The following IMMP2L variants were observed in gnomAD, a reference collection of about 807,000 sequenced individuals.
IMMP2L encodes inner mitochondrial membrane peptidase subunit 2.
In IMMP2L, 18 loss-of-function variants were observed where a neutral mutation model predicts 19.3. The observed-to-expected ratio is 0.93, with a 90% CI of 0.64 to 1.38. The LOEUF (loss-of-function observed/expected upper bound fraction) is 1.38. Ranked by LOEUF, IMMP2L falls within the 40% of genes most tolerant of loss-of-function variation. The pLI, the probability that IMMP2L is intolerant of heterozygous loss-of-function variation, is 0.00. For synonymous variants in IMMP2L, 76 were observed against 73.0 expected (o/e 1.04, Z -0.21); for missense variants, 233 against 218.2 (o/e 1.07, Z -0.43).
intron 3 of IMMP2L, among the ~76,000 whole-genome samples, chr7:111,098,650 C>T (rs191261881): frequency 7.2e-5 from 11 of 151,850 alleles, no homozygotes; most frequent in Admixed American, 4.6e-4. Context: ...ATGCTAAGCA[C>T]TTAACATACA....
chr7:111,061,752 C>A (rs73201061), intron 3 of IMMP2L, among the ~76,000 whole-genome samples: 1 of 151,734 alleles, frequency 6.6e-6, no homozygotes, highest in Non-Finnish European at 1.5e-5. Flanking sequence ...ACAGTTCAGC[C>A]AAAGTAATAT....
At chr7:111,305,955 T>C (rs997044274) in intron 3 of IMMP2L, among the ~76,000 whole-genome samples, 1 of 152,156 alleles carries the variant, frequency 6.6e-6, no homozygotes, top group Non-Finnish European at 1.5e-5. Flanking sequence ...TGGCTGCTGA[T>C]ACCTTCTAGA....
At chr7:111,064,286 C>T (rs1225248054) in intron 3 of IMMP2L, among the ~76,000 whole-genome samples, 1 of 152,130 alleles carries the variant, frequency 6.6e-6, no homozygotes, top group African/African-American at 2.4e-5. Flanking sequence ...CATTCCACAA[C>T]ACATGGGAAT....
At chr7:111,019,380 C>A (rs1331945830) in intron 3 of IMMP2L, among the ~76,000 whole-genome samples, 1 of 152,036 alleles carries the variant, frequency 6.6e-6, no homozygotes, top group African/African-American at 2.4e-5. Context: ...GCAGGGAGAG[C>A]AAAGTGGGAA....
intron 3 of IMMP2L, among the ~76,000 whole-genome samples, chr7:110,965,417 G>A (rs1585484478): frequency 4.6e-5 from 7 of 151,896 alleles, no homozygotes; most frequent in African/African-American, 2.4e-5. Flanking sequence ...ATGAAATCAC[G>A]TAAGCTAGTT....
At chr7:111,261,278 A>T (rs553363987) in intron 3 of IMMP2L, among the ~76,000 whole-genome samples, 3 of 152,066 alleles carry the variant, frequency 2.0e-5, no homozygotes, top group Non-Finnish European at 4.4e-5. Flanking sequence ...TATATTCACC[A>T]ACACCTCCCC....
intron 5 of IMMP2L, among the ~76,000 whole-genome samples, chr7:110,855,257 A>T (rs773712072): frequency 7.9e-5 from 12 of 152,050 alleles, no homozygotes; most frequent in South Asian, 4.1e-4. Flanking sequence ...AAGTTATACA[A>T]CCTAAAGTCC....
rs1798272419 is a variant in IMMP2L at position 110,760,255 on chromosome 7, G to C, written c.409-96534C>G. ...TTAGTGTTTATCTGCATCTGCCTTA[G>C]AGAAGTTGTTTACATCCAATATTGG... is the stretch of plus-strand genomic sequence containing the variant. On this transcript the variant is annotated intron_variant, in intron 5 of 5. Transcript: ENST00000405709. This position sits in a 1 kb window ranked among gnomAD's most constrained non-coding sequence, Gnocchi z 4.2. 3.3e-5 allele frequency among the ~76,000 whole-genome samples: 5 copies of C among 152,128 alleles called. No individual in the cohort carries two copies. Among genetic ancestry groups the C allele is most frequent in the Admixed American group, 2.6e-4 (4 of 15,246 alleles).
At chr7:110,968,278 A>T (rs1324669344) in intron 3 of IMMP2L, among the ~76,000 whole-genome samples, 1 of 151,014 alleles carries the variant, frequency 6.6e-6, no homozygotes, top group Non-Finnish European at 1.5e-5. Context: ...AAAAAAAAAA[A>T]TTTGGAGCTA....
intron 3 of IMMP2L, among the ~76,000 whole-genome samples, chr7:111,386,436 G>T (rs1035987919): frequency 4.6e-5 from 7 of 151,876 alleles, no homozygotes; most frequent in African/African-American, 1.7e-4. Flanking sequence ...ATACATAAAG[G>T]TACATCAATT....
chr7:111,181,815 T>G, intron 3 of IMMP2L, among the ~76,000 whole-genome samples: 1 of 152,106 alleles, frequency 6.6e-6, no homozygotes, highest in Non-Finnish European at 1.5e-5. Flanking sequence ...TAAGGGTTTC[T>G]TACCATTGTT....
chr7:110,798,811 C>T (rs1056202362), intron 5 of IMMP2L, among the ~76,000 whole-genome samples: 6 of 151,832 alleles, frequency 4.0e-5, no homozygotes, highest in South Asian at 2.1e-4. Context: ...CACAAACAGA[C>T]GTTTTTTATC....
intron 4 of IMMP2L, among the ~76,000 whole-genome samples, chr7:110,898,368 G>T (rs143708319): frequency 1.3e-3 from 194 of 152,186 alleles, no homozygotes; most frequent in Middle Eastern, 3.4e-3. Context: ...AAGAACAGAG[G>T]ATGAATCAAG....
intron 4 of IMMP2L, among the ~76,000 whole-genome samples, chr7:110,897,839 T>C (rs1285701634): frequency 2.0e-5 from 3 of 152,168 alleles, no homozygotes; most frequent in African/African-American, 7.2e-5. Flanking sequence ...CATGATATGA[T>C]TTATCCTTTG....
intron 2 of IMMP2L, among the ~76,000 whole-genome samples, chr7:111,518,695 A>G (rs1846081435): frequency 6.6e-6 from 1 of 152,164 alleles, no homozygotes; most frequent in Non-Finnish European, 1.5e-5. Context: ...TCTCATTATT[A>G]TAATTTCTGC....
At chr7:111,547,508 C>A (rs1222199658) in intron 1 of IMMP2L, among the ~76,000 whole-genome samples, 2 of 144,678 alleles carry the variant, frequency 1.4e-5, no homozygotes, top group East Asian at 2.0e-4. Flanking sequence ...CTGTCATACC[C>A]CCCCCCCCTT....
At chr7:110,664,255 G>A (rs904790284) in intron 5 of IMMP2L, among the ~76,000 whole-genome samples, 1 of 152,010 alleles carries the variant, frequency 6.6e-6, no homozygotes, top group South Asian at 2.1e-4. Flanking sequence ...TATATTTTGT[G>A]AAAAACATTG....
At chr7:110,937,205 A>C (rs950634974) in intron 4 of IMMP2L, among the ~76,000 whole-genome samples, 2 of 152,192 alleles carry the variant, frequency 1.3e-5, no homozygotes, top group Admixed American at 6.6e-5. Flanking sequence ...GTATAATAGA[A>C]AAAGAAAAGA....
chr7:110,754,773 A>T (rs1797937955), intron 5 of IMMP2L, among the ~76,000 whole-genome samples: 1 of 152,062 alleles, frequency 6.6e-6, no homozygotes, highest in Admixed American at 6.6e-5. Context: ...TAATTGGAAG[A>T]TTCAGCTTTA....
Sources: allele counts gnomAD v4.1 joint callset (sites outside exome capture counted in the v4.1 genomes callset), GRCh38; gene constraint gnomAD v4.1.1; non-coding constraint Gnocchi (gnomAD v3.1); transcripts MANE v1.5; gene names NCBI Gene and HGNC (gene_info 2026-07-23, HGNC 2026-07-21).